KCNIP4: variants seen among roughly 807,000 people sequenced by gnomAD.
KCNIP4 encodes potassium voltage-gated channel interacting protein 4.
KCNIP4 carries 12 observed loss-of-function variants against 34.0 expected under a neutral mutation model. The observed-to-expected ratio is 0.35, with a 90% confidence interval of 0.23 to 0.57. The LOEUF is 0.57. Ranked by LOEUF, KCNIP4 falls within the 20% of genes least tolerant of loss-of-function variation. The probability of loss-of-function intolerance (pLI) is 0.83; values close to 1 mark genes in which losing one functional copy is unlikely to be tolerated. For synonymous variants in KCNIP4, 124 were observed against 102.2 expected, an observed-to-expected ratio of 1.21 and a Z score of -1.29; for missense variants, 238 against 311.7, an observed-to-expected ratio of 0.76 and a Z score of 1.78.
chr4:21,051,317 A>G (rs1742908344), intron 1 of KCNIP4, among the ~76,000 whole-genome samples: 2 of 152,242 alleles, frequency 1.3e-5, no homozygotes, highest in South Asian at 4.1e-4. Flanking sequence ...GTCCAGCAGT[A>G]TAGAGAAAAA....
intron 1 of KCNIP4, among the ~76,000 whole-genome samples, chr4:21,011,919 G>A (rs1373085118): frequency 6.6e-6 from 1 of 152,196 alleles, no homozygotes; most frequent in Non-Finnish European, 1.5e-5. Flanking sequence ...ATCAAGACAA[G>A]TTGGATGAAT....
intron 1 of KCNIP4, among the ~76,000 whole-genome samples, chr4:21,327,449 T>G (rs747458206): frequency 1.3e-5 from 2 of 152,166 alleles, no homozygotes; most frequent in Non-Finnish European, 2.9e-5. Flanking sequence ...TATTTGTTTC[T>G]GTTTTCTTGC....
Position 21,757,735 on chromosome 4 carries a change from C to T in KCNIP4, c.61+190836G>A, listed in dbSNP as rs145581048. ...GTGATGCCTGCCACCCAATCTATGA[C>T]CCCATTCAATAAGTGTTCATTGAAT... On this transcript the variant is annotated intron_variant, in intron 1 of 8. Transcript: ENST00000382152. Among the ~76,000 whole-genome samples, 431 of 152,286 alleles carry T rather than the reference C, an allele frequency of 2.8e-3. 3 individuals carry two copies. The highest frequency in any genetic ancestry group is 9.6e-3 in the African/African-American group (399 of 41,548).
intron 1 of KCNIP4, among the ~76,000 whole-genome samples, chr4:21,219,884 T>C (rs917433390): frequency 6.6e-6 from 1 of 152,142 alleles, no homozygotes. Context: ...AAAAGAAATA[T>C]TAAAAACTTA....
At chr4:21,888,872 C>A (rs1726933112) in intron 1 of KCNIP4, among the ~76,000 whole-genome samples, 1 of 152,076 alleles carries the variant, frequency 6.6e-6, no homozygotes, top group African/African-American at 2.4e-5. Context: ...TCTTTTTATG[C>A]AGTCACATGG....
chr4:21,800,331 A>T (rs1022834930), intron 1 of KCNIP4, among the ~76,000 whole-genome samples: 1 of 152,204 alleles, frequency 6.6e-6, no homozygotes, highest in South Asian at 2.1e-4. Flanking sequence ...AAGACTTGCT[A>T]TAATTCATTG....
At chr4:21,394,423 C>T (rs1220201896) in intron 1 of KCNIP4, among the ~76,000 whole-genome samples, 2 of 152,102 alleles carry the variant, frequency 1.3e-5, no homozygotes, top group Non-Finnish European at 2.9e-5. Context: ...GAAGTTTCTG[C>T]ATTCCTGGTT....
At chr4:21,757,172 AAGGAAG>A (rs1560691328) in intron 1 of KCNIP4, among the ~76,000 whole-genome samples, 43 of 32,222 alleles carry the variant, frequency 1.3e-3, no homozygotes, top group Non-Finnish European at 1.4e-3. Context: ...AGAAAGAAGG[AAGGAAG>A]GAAGGAAGGA....
chr4:21,536,733 A>G lies in KCNIP4; in HGVS notation c.61+411838T>C, dbSNP rs185884865. On this transcript the variant is annotated intron_variant, in intron 1 of 8. Coordinates refer to ENST00000382152, the MANE Select transcript of KCNIP4 (RefSeq NM_025221.6). Reference sequence around the variant, plus strand: ...GAAACAAGGGTTGCAGTGAGCCGAGATCACGCCACTGCACTCCAGCCTGGC... The same window carrying G: ...GAAACAAGGGTTGCAGTGAGCCGAGGTCACGCCACTGCACTCCAGCCTGGC... 5.8e-3 allele frequency among the ~76,000 whole-genome samples: 882 copies of G among 152,146 alleles called. 9 individuals are homozygous for G. The highest frequency in any genetic ancestry group is 0.02 in the African/African-American group (823 of 41,508).
intron 1 of KCNIP4, among the ~76,000 whole-genome samples, chr4:21,117,827 C>A (rs190085101): frequency 1.3e-5 from 2 of 152,092 alleles, no homozygotes; most frequent in East Asian, 1.9e-4. Context: ...GCGCTACAGG[C>A]AATTAGCACT....
At chr4:21,845,174 T>C (rs769549036) in intron 1 of KCNIP4, 1 of 152,040 alleles carries the variant, frequency 6.6e-6, no homozygotes, top group Non-Finnish European at 1.5e-5. Context: ...ATTATCCAAA[T>C]AGAGGGTTGG....
At chr4:21,463,172 A>G (rs1232582992) in intron 1 of KCNIP4, among the ~76,000 whole-genome samples, 1 of 151,974 alleles carries the variant, frequency 6.6e-6, no homozygotes, top group Non-Finnish European at 1.5e-5. Flanking sequence ...ATCCTTCCCA[A>G]CACTTGTTAT....
intron 1 of KCNIP4, among the ~76,000 whole-genome samples, chr4:21,510,545 A>T (rs1222484573): frequency 6.6e-6 from 1 of 152,062 alleles, no homozygotes; most frequent in Non-Finnish European, 1.5e-5. Context: ...TTTTGTTCTG[A>T]TAACACAATG....
At chr4:21,756,173 G>A (rs1717505927) in intron 1 of KCNIP4, among the ~76,000 whole-genome samples, 1 of 151,936 alleles carries the variant, frequency 6.6e-6, no homozygotes, top group South Asian at 2.1e-4. Context: ...ATTTCTCCTT[G>A]TTCTATTTGG....
chr4:21,136,242 G>T (rs1751488484), intron 1 of KCNIP4, among the ~76,000 whole-genome samples: 1 of 152,154 alleles, frequency 6.6e-6, no homozygotes, highest in South Asian at 2.1e-4. Flanking sequence ...GGTACAAAGG[G>T]TTTTGTTTTC....
chr4:21,303,926 C>G (rs768014799), intron 1 of KCNIP4: 2 of 1,612,518 alleles, frequency 1.2e-6, no homozygotes, highest in Admixed American at 1.7e-5. Flanking sequence ...GGTCATGGTC[C>G]GACCACAGCC....
intron 1 of KCNIP4, among the ~76,000 whole-genome samples, chr4:21,012,625 C>G (rs1163822000): frequency 1.4e-5 from 2 of 143,294 alleles, no homozygotes; most frequent in East Asian, 3.9e-4. Flanking sequence ...ATTAGATTCT[C>G]CAGATATATG....
chr4:20,965,064 G>T (rs1734217805), intron 1 of KCNIP4, among the ~76,000 whole-genome samples: 1 of 152,114 alleles, frequency 6.6e-6, no homozygotes, highest in Non-Finnish European at 1.5e-5. Flanking sequence ...ATGTAATTAA[G>T]TTTAACTTTT....
intron 1 of KCNIP4, among the ~76,000 whole-genome samples, chr4:21,153,513 GTGTATATATATATA>G (rs1357942608): frequency 0.017 from 1,031 of 61,474 alleles, 16 homozygotes; most frequent in African/African-American, 0.065. Flanking sequence ...ATATGTGTGT[GTGTATATATATATA>G]TATATATATA....
Sources: gnomAD v4.1 joint callset for allele counts (sites outside exome capture counted in the v4.1 genomes callset) on GRCh38, gnomAD v4.1.1 for gene constraint, MANE v1.5 for transcripts, NCBI Gene and HGNC (gene_info 2026-07-23, HGNC 2026-07-21) for gene names.